Variants in RNF145 observed in about 807,000 individuals in gnomAD.
RNF145 encodes the protein ring finger protein 145.
In RNF145, 12 loss-of-function variants were observed where a neutral mutation model predicts 57.3. The observed-to-expected ratio is 0.21, with a 90% CI of 0.13 to 0.34. RNF145 has a LOEUF of 0.34. RNF145 is among the 10% of genes least tolerant of loss of function. The pLI, the probability that RNF145 is intolerant of heterozygous loss-of-function variation, is 1.00. For synonymous variants in RNF145, 262 were observed against 288.3 expected (o/e 0.91, Z 0.92); for missense variants, 429 against 799.0 (o/e 0.54, Z 5.58).
intron 10 of RNF145, 25 bp from the exon 11 acceptor site, chr5:159,159,060 C>T (rs1462919907): frequency 6.3e-7 from 1 of 1,580,084 alleles, no homozygotes; most frequent in East Asian, 2.2e-5. Flanking sequence ...AAAAAGATAC[C>T]TTATAAATGT....
intron 9 of RNF145, among the ~76,000 whole-genome samples, chr5:159,162,600 A>C (rs1784264413): frequency 6.7e-6 from 1 of 149,890 alleles, no homozygotes; most frequent in African/African-American, 2.5e-5. Flanking sequence ...GCGCCCGGCT[A>C]ATTTTTTGTA....
chr5:159,173,541 A>G (rs1307121949), intron 6 of RNF145, among the ~76,000 whole-genome samples: 1 of 152,170 alleles, frequency 6.6e-6, no homozygotes. Flanking sequence ...TTCCTGGTAC[A>G]GTTTCTTCAG....
At chr5:159,206,183 A>T (rs566100964) in intron 1 of RNF145, among the ~76,000 whole-genome samples, 8 of 152,208 alleles carry the variant, frequency 5.3e-5, no homozygotes, top group Non-Finnish European at 5.9e-5. Context: ...CCCCTCTACT[A>T]CATAGTCAAC....
chr5:159,208,037 C>G (rs759725433), intron 1 of RNF145: 2 of 1,525,726 alleles, frequency 1.3e-6, no homozygotes, highest in Non-Finnish European at 1.8e-6. Context: ...AGACTAGTTT[C>G]CTCTTTACTG....
At chr5:159,207,392 G>T in intron 1 of RNF145, 2 of 832,774 alleles carry the variant, frequency 2.4e-6, no homozygotes, top group Non-Finnish European at 3.7e-6. Flanking sequence ...AAACAAGAAT[G>T]ACACGTGACC....
rs763650430 is a variant in RNF145 at position 159,194,737 on chromosome 5, T to G, written c.272A>C (p.Tyr91Ser). The change falls in exon 3 of 11, where the codon TAT becomes TCT. Residue 91 changes from tyrosine (Y) to serine (S), a missense_variant. Physicochemically the swap from Tyr to Ser is moderately radical, Grantham distance 144 (BLOSUM62 -2). Coordinates refer to ENST00000424310, the MANE Select transcript of RNF145 (RefSeq NM_001199383.2). ...YLYFLTALLLYAGHQISRDYV... is the reference protein window; with the variant it reads ...YLYFLTALLLSAGHQISRDYV... ...TTACCTGGAAATTTGATGTCCAGCA[T>G]AGAGGAGCAGAGCAGTCAAAAAATA... The G allele has an allele frequency of 1.9e-6, 3 of 1,610,552 alleles. No individual in the cohort carries two copies. Among genetic ancestry groups the G allele is most frequent in the African/African-American group, 2.7e-5 (2 of 74,844 alleles).
chr5:159,167,579 T>G (rs936951197), intron 8 of RNF145, among the ~76,000 whole-genome samples: 2 of 152,188 alleles, frequency 1.3e-5, no homozygotes, highest in African/African-American at 2.4e-5. Context: ...TTGACAGAGA[T>G]GACAAAATAC....
intron 3 of RNF145, among the ~76,000 whole-genome samples, chr5:159,189,831 G>A (rs1035437649): frequency 6.6e-6 from 1 of 152,332 alleles, no homozygotes; most frequent in African/African-American, 2.4e-5. Context: ...GTGAAATTCA[G>A]TGCATATAAA....
At chr5:159,182,285 T>C (rs1040554992) in intron 3 of RNF145, among the ~76,000 whole-genome samples, 1 of 152,080 alleles carries the variant, frequency 6.6e-6, no homozygotes, top group African/African-American at 2.4e-5. Flanking sequence ...AGCTCCACAT[T>C]ATGAAATTTT....
chr5:159,208,132 C>T, intron 1 of RNF145: 6 of 1,431,194 alleles, frequency 4.2e-6, no homozygotes, highest in Non-Finnish European at 5.5e-6. Context: ...CCTCCTCCCA[C>T]AACGCCTGCA....
rs764253357 is a variant in RNF145, at chr5:159,159,012, C to A, written c.1650G>T (p.Thr550=). The A allele has an allele frequency of 6.2e-7, 1 of 1,613,542 alleles. No homozygotes were observed. Among genetic ancestry groups the A allele is most frequent in the African/African-American group, 1.3e-5 (1 of 74,980 alleles). Residue 550 remains threonine, a synonymous_variant, in exon 11 of 11, where the codon ACG becomes ACT. Coordinates refer to ENST00000424310, the MANE Select transcript of RNF145 (RefSeq NM_001199383.2). ...CTGCATGGAAAAAATGACTGCAAGG[C>A]GTGATCACAGCAGATTTCATGTCCT... The part of the protein sequence containing the change: ...CYQDMKSAVI[T]PCSHFFHAGC...
intron 8 of RNF145, among the ~76,000 whole-genome samples, chr5:159,165,291 T>G (rs1313897472): frequency 6.6e-6 from 1 of 152,262 alleles, no homozygotes; most frequent in Admixed American, 6.5e-5. Context: ...TTGAATCCTG[T>G]GTGCTTCATT....
At chr5:159,160,555 T>C (rs1348113340) in intron 10 of RNF145, among the ~76,000 whole-genome samples, 1 of 152,192 alleles carries the variant, frequency 6.6e-6, no homozygotes, top group African/African-American at 2.4e-5. Flanking sequence ...TTGGCCATCA[T>C]CTCTGTCCAT....
At chr5:159,181,362 T>C (rs1162503287) in intron 4 of RNF145, among the ~76,000 whole-genome samples, 1 of 152,080 alleles carries the variant, frequency 6.6e-6, no homozygotes, top group African/African-American at 2.4e-5. Flanking sequence ...TCTCTAATAT[T>C]AGGCCTGTTA....
chr5:159,189,167 T>C (rs866266722), intron 3 of RNF145, among the ~76,000 whole-genome samples: 4 of 152,198 alleles, frequency 2.6e-5, no homozygotes, highest in South Asian at 2.1e-4. Context: ...TTGCAAATCA[T>C]AGATCTGATA....
chr5:159,162,140 T>C (rs1335649403), intron 9 of RNF145, among the ~76,000 whole-genome samples: 1 of 152,246 alleles, frequency 6.6e-6, no homozygotes, highest in African/African-American at 2.4e-5. Flanking sequence ...TGTGTGTGCA[T>C]GTCTGTGAAA....
At chr5:159,204,270 A>C (rs1785778683) in intron 1 of RNF145, among the ~76,000 whole-genome samples, 1 of 152,178 alleles carries the variant, frequency 6.6e-6, no homozygotes, top group Non-Finnish European at 1.5e-5. Context: ...AAATTCCCAT[A>C]ATCTGCCTTC....
chr5:159,159,175 TA>T (rs1784135164), intron 10 of RNF145, 140 bp from the exon 11 acceptor site: 1 of 725,740 alleles, frequency 1.4e-6, no homozygotes, highest in Non-Finnish European at 2.2e-6. Context: ...ACTTACTTTA[TA>T]TATCAGTAAT....
chr5:159,194,827 G>A lies in RNF145; in HGVS notation c.185-3C>T, dbSNP rs749465348. ...CAGCACCACACTTAAGATATAACCT[G>A]TACCAGAAAGATAAATAAAATACAA... On this transcript the variant is annotated splice_polypyrimidine_tract_variant and splice_region_variant and intron_variant, in intron 2 of 10. Coordinates refer to ENST00000424310, the MANE Select transcript of RNF145 (RefSeq NM_001199383.2). The A allele has an allele frequency of 2.3e-5, 36 of 1,557,136 alleles. No individual in the cohort carries two copies. The highest frequency in any genetic ancestry group is 3.0e-5 in the Non-Finnish European group (34 of 1,140,864).
Sources: gnomAD v4.1 joint callset for allele counts (sites outside exome capture counted in the v4.1 genomes callset) on GRCh38, gnomAD v4.1.1 for gene constraint, MANE v1.5 for transcripts, NCBI Gene and HGNC (gene_info 2026-07-23, HGNC 2026-07-21) for gene names.